Variants in HTR2C observed in about 807,000 individuals in gnomAD.
HTR2C encodes 5-hydroxytryptamine (serotonin) receptor 2C, G protein-coupled.
In HTR2C, 5 loss-of-function variants were observed where a neutral mutation model predicts 21.0. The ratio of observed to expected loss-of-function variants is 0.24; its 90% CI spans 0.12 to 0.50. The LOEUF is 0.50. Among genes scored for constraint, HTR2C ranks in the 20% least tolerant of loss-of-function variants. HTR2C has a pLI of 0.98. For missense variants in HTR2C, 271 were observed against 371.2 expected (o/e 0.73, Z 2.22); for synonymous variants, 150 against 145.3 (o/e 1.03, Z -0.23).
intron 2 of HTR2C, among the ~76,000 whole-genome samples, chrX:114,657,623 G>A (rs1556409468): frequency 3.6e-5 from 4 of 111,379 alleles, no homozygotes; most frequent in Non-Finnish European, 5.7e-5. Context: ...GGGCAGCTGT[G>A]AATTTGTTCC....
rs1569496243 is a variant in HTR2C at position 114,807,313 on chromosome X, A to ATCTATACCATGTATATACACCATG, written c.350-40689_350-40688insCTATACCATGTATATACACCATGT. 8.3e-4 allele frequency among the ~76,000 whole-genome samples: 58 copies of ATCTATACCATGTATATACACCATG among 69,907 alleles called. 15 individuals carry two copies. The highest frequency in any genetic ancestry group is 3.3e-3 in the African/African-American group (55 of 16,437). The allele number at this position is 69,907 out of a possible 115,157, so 60.7% of individuals were successfully genotyped here. ...TATATATACCATGTATATACACCAT[A>ATCTATACCATGTATATACACCATG]TATCTATACCATATATATACACCAT... On this transcript the variant is annotated intron_variant, in intron 4 of 5. Coordinates refer to ENST00000276198, the MANE Select transcript of HTR2C (RefSeq NM_000868.4).
intron 4 of HTR2C, among the ~76,000 whole-genome samples, chrX:114,820,118 C>T (rs1387391399): frequency 1.8e-5 from 2 of 109,947 alleles, no homozygotes; most frequent in African/African-American, 6.6e-5. Flanking sequence ...TTCTGCGTTC[C>T]CCTTTGCCAA....
chrX:114,828,386 G>A (rs1341445140), intron 4 of HTR2C, among the ~76,000 whole-genome samples: 1 of 111,204 alleles, frequency 9.0e-6, no homozygotes, highest in Non-Finnish European at 1.9e-5. Flanking sequence ...TAGGGTAGCT[G>A]CCTTGAAGTC....
chrX:114,780,376 G>T (rs1380525583), intron 4 of HTR2C, among the ~76,000 whole-genome samples: 5 of 111,574 alleles, frequency 4.5e-5, no homozygotes, highest in Admixed American at 2.9e-4. Flanking sequence ...CCAGATGTGG[G>T]CAGCTCAGGA....
At chrX:114,608,022 A>G (rs953996334) in intron 1 of HTR2C, among the ~76,000 whole-genome samples, 1 of 111,237 alleles carries the variant, frequency 9.0e-6, no homozygotes, top group Admixed American at 9.6e-5. Flanking sequence ...TGAATCTTAC[A>G]TGTATAAAAT....
chrX:114,646,812 A>G (rs782185204), intron 2 of HTR2C, among the ~76,000 whole-genome samples: 1 of 112,359 alleles, frequency 8.9e-6, no homozygotes, highest in Admixed American at 9.5e-5. Flanking sequence ...GCAAGTCTTT[A>G]ATCGCCTTTA....
At chrX:114,633,180 C>A (rs1556404610) in intron 2 of HTR2C, among the ~76,000 whole-genome samples, 1 of 110,865 alleles carries the variant, frequency 9.0e-6, no homozygotes, top group African/African-American at 3.3e-5. Flanking sequence ...ATTTTGTTTC[C>A]CTTGTAATTA....
intron 4 of HTR2C, among the ~76,000 whole-genome samples, chrX:114,826,455 A>G (rs2070679141): frequency 8.9e-6 from 1 of 112,289 alleles, no homozygotes. Context: ...TCAAAATGCC[A>G]TCAAAACTTT....
intron 2 of HTR2C, among the ~76,000 whole-genome samples, chrX:114,663,259 C>T (rs1014810371): frequency 5.4e-5 from 6 of 110,676 alleles, no homozygotes; most frequent in African/African-American, 2.0e-4. Flanking sequence ...TTAGTGTATT[C>T]GTTCCAGCAA....
intron 4 of HTR2C, among the ~76,000 whole-genome samples, chrX:114,781,395 C>T: frequency 9.0e-6 from 1 of 110,914 alleles, no homozygotes; most frequent in Non-Finnish European, 1.9e-5. Context: ...ACTTGAGAGG[C>T]TGAAGTGGGA....
At chrX:114,627,098 C>A (rs948422881) in intron 2 of HTR2C, among the ~76,000 whole-genome samples, 10 of 110,951 alleles carry the variant, frequency 9.0e-5, no homozygotes, top group African/African-American at 2.9e-4. Context: ...GGCATTAGAA[C>A]CAAAAAAGAT....
chrX:114,784,187 G>GA (rs1232678139), intron 4 of HTR2C, among the ~76,000 whole-genome samples: 36 of 87,808 alleles, frequency 4.1e-4, no homozygotes, highest in Admixed American at 9.8e-4. Flanking sequence ...GATTAATAGA[G>GA]AAAAAAAAAA....
chrX:114,648,044 G>T lies in HTR2C; in HGVS notation c.-80+34163G>T, dbSNP rs1342094213. Among the ~76,000 whole-genome samples, 20 of 112,034 alleles carry T rather than the reference G, an allele frequency of 1.8e-4. 1 individual carries two copies. In the Admixed American group the frequency reaches 1.9e-3, roughly 11 times the overall value. ...ATGGGAAACATCATAAAGAAACGAA[G>T]ACCCAAATAAATAAGTAAACCTTTT... On this transcript the variant is annotated intron_variant, in intron 2 of 5. Coordinates refer to ENST00000276198, the MANE Select transcript of HTR2C (RefSeq NM_000868.4).
rs2071400807 is a variant in HTR2C, at chrX:114,909,741, TATACTC to T, written c.*2329_*2334del. 1 of 112,251 alleles carries T rather than the reference TATACTC, an allele frequency of 8.9e-6. No individual in the cohort carries two copies. The highest frequency in any genetic ancestry group is 1.9e-5 in the Non-Finnish European group (1 of 53,185). 9.3% of individuals were successfully genotyped at this position (112,251 alleles called of 1,213,427 possible). On this transcript the variant is annotated 3_prime_UTR_variant, in exon 6 of 6. Coordinates refer to ENST00000276198, the MANE Select transcript of HTR2C (RefSeq NM_000868.4). ...TCTGTGCAGTTTGGTATGAAACAAA[TATACTC>T]ATTTGGATATAAATCTTACCCTTCA...
chrX:114,899,947 G>C, intron 5 of HTR2C, among the ~76,000 whole-genome samples: 1 of 111,041 alleles, frequency 9.0e-6, no homozygotes, highest in Non-Finnish European at 1.9e-5. Context: ...TAAAATTCTG[G>C]GTTGACAGAT....
chrX:114,755,975 G>A (rs1232942701), intron 4 of HTR2C, among the ~76,000 whole-genome samples: 2 of 110,477 alleles, frequency 1.8e-5, no homozygotes, highest in Non-Finnish European at 3.8e-5. Context: ...GCTGAATGTG[G>A]GGGTGTGTGC....
intron 4 of HTR2C, among the ~76,000 whole-genome samples, chrX:114,815,917 T>C (rs1246981481): frequency 9.0e-6 from 1 of 111,093 alleles, no homozygotes; most frequent in Non-Finnish European, 1.9e-5. Flanking sequence ...ACAAATATCA[T>C]TCTATGACAT....
chrX:114,828,421 C>T (rs1332662817), intron 4 of HTR2C, among the ~76,000 whole-genome samples: 5 of 110,843 alleles, frequency 4.5e-5, no homozygotes, highest in African/African-American at 9.8e-5. Flanking sequence ...CCAACATTTG[C>T]GTTATCGAAG....
At chrX:114,842,841 A>C (rs782158034) in intron 4 of HTR2C, among the ~76,000 whole-genome samples, 1 of 111,844 alleles carries the variant, frequency 8.9e-6, no homozygotes, top group East Asian at 2.8e-4. Context: ...CCCCTGTAAA[A>C]GTGCTAGGTA....
Sources: allele counts gnomAD v4.1 joint callset (sites outside exome capture counted in the v4.1 genomes callset), GRCh38; gene constraint gnomAD v4.1.1; transcripts MANE v1.5; gene names NCBI Gene and HGNC (gene_info 2026-07-23, HGNC 2026-07-21).